Variants in DRC11 observed in about 807,000 individuals in gnomAD.
The protein encoded by DRC11 is dynein regulatory complex subunit 11.
chr2:236,486,792 T>C, the DRC11 span: 5 of 1,383,008 alleles, frequency 3.6e-6, no homozygotes, highest in African/African-American at 1.4e-5. This position sits in a 1 kb window ranked among gnomAD's most constrained non-coding sequence, Gnocchi z 5.7. Context: ...CTATTGTCTT[T>C]AAGAAAACCA....
the DRC11 span, among the ~76,000 whole-genome samples, chr2:236,450,313 T>TC: frequency 7.6e-5 from 11 of 145,092 alleles, no homozygotes; most frequent in Admixed American, 4.9e-4. Context: ...TCTTTTCTTT[T>TC]CTTTTTTTTT....
chr2:236,321,006 G>A, the DRC11 span, among the ~76,000 whole-genome samples: 10 of 152,262 alleles, frequency 6.6e-5, no homozygotes, highest in East Asian at 5.8e-4. Context: ...GACCTGCTCC[G>A]TGGATGACAA....
chr2:236,399,544 G>A, the DRC11 span: 5 of 1,399,712 alleles, frequency 3.6e-6, no homozygotes, highest in African/African-American at 4.2e-5. This position sits in a 1 kb window ranked among gnomAD's most constrained non-coding sequence, Gnocchi z 7.0. Context: ...AGCAAAAGAC[G>A]CAGACGCTGT....
chr2:236,386,594 T>G, the DRC11 span, among the ~76,000 whole-genome samples: 1 of 152,224 alleles, frequency 6.6e-6, no homozygotes, highest in Non-Finnish European at 1.5e-5. Context: ...TCAATTTTGT[T>G]GATCCTTTCA....
At chr2:236,333,982 A>G in the DRC11 span, among the ~76,000 whole-genome samples, 1 of 152,158 alleles carries the variant, frequency 6.6e-6, no homozygotes, top group Non-Finnish European at 1.5e-5. This position sits in a 1 kb window ranked among gnomAD's most constrained non-coding sequence, Gnocchi z 6.0. Flanking sequence ...AGTGTAGGAT[A>G]CTTGGTGTTC....
the DRC11 span, among the ~76,000 whole-genome samples, chr2:236,410,623 T>C: frequency 3.3e-5 from 5 of 150,828 alleles, no homozygotes; most frequent in East Asian, 3.9e-4. Flanking sequence ...GCTGGAGGCA[T>C]CACACTACCT....
At chr2:236,358,143 A>ATTT in the DRC11 span, among the ~76,000 whole-genome samples, 2 of 87,798 alleles carry the variant, frequency 2.3e-5, no homozygotes, top group Non-Finnish European at 4.7e-5. Context: ...TATAATATAT[A>ATTT]AATAGATATA....
At chr2:236,484,291 C>G in the DRC11 span, among the ~76,000 whole-genome samples, 1 of 152,140 alleles carries the variant, frequency 6.6e-6, no homozygotes, top group Non-Finnish European at 1.5e-5. Flanking sequence ...TTAAAAGCTA[C>G]AAATTATTTA....
At chr2:236,358,051 A>T in the DRC11 span, among the ~76,000 whole-genome samples, 2 of 119,452 alleles carry the variant, frequency 1.7e-5, no homozygotes, top group Non-Finnish European at 3.2e-5. Flanking sequence ...TAATATATAG[A>T]TATATATTAT....
the DRC11 span, among the ~76,000 whole-genome samples, chr2:236,481,134 A>G: frequency 4.6e-5 from 7 of 152,204 alleles, no homozygotes; most frequent in Admixed American, 4.6e-4. Flanking sequence ...CTGACTTTGC[A>G]TCTCTTTTGG....
chr2:236,380,589 A>G, the DRC11 span: 2 of 1,551,502 alleles, frequency 1.3e-6, no homozygotes, highest in African/African-American at 1.4e-5. This position sits in a 1 kb window ranked among gnomAD's most constrained non-coding sequence, Gnocchi z 4.9. Flanking sequence ...TCAGATCTTT[A>G]TCCTTCTTTG....
chr2:236,322,215 CA>C, the DRC11 span, among the ~76,000 whole-genome samples: 1 of 147,126 alleles, frequency 6.8e-6, no homozygotes, highest in Non-Finnish European at 1.5e-5. Flanking sequence ...AGCTGCTTTT[CA>C]TGTTTCTTTC....
chr2:236,478,830 C>CTT, the DRC11 span, among the ~76,000 whole-genome samples: 6 of 139,344 alleles, frequency 4.3e-5, no homozygotes, highest in South Asian at 1.1e-3. This position sits in a 1 kb window ranked among gnomAD's most constrained non-coding sequence, Gnocchi z 5.9. Context: ...GGTTTGTAGT[C>CTT]TTTTTTTTTT....
the DRC11 span, among the ~76,000 whole-genome samples, chr2:236,393,200 C>T: frequency 6.6e-6 from 1 of 152,160 alleles, no homozygotes; most frequent in Non-Finnish European, 1.5e-5. This position sits in a 1 kb window ranked among gnomAD's most constrained non-coding sequence, Gnocchi z 4.7. Flanking sequence ...GTGAAGCTGA[C>T]AACCGCCACC....
the DRC11 span, chr2:236,441,129 A>G: frequency 9.7e-6 from 15 of 1,545,936 alleles, no homozygotes; most frequent in Non-Finnish European, 1.3e-5. Flanking sequence ...AAATTTCTGC[A>G]GGAAAAAAAA....
At chr2:236,500,050 C>T in the DRC11 span, among the ~76,000 whole-genome samples, 1,177 of 151,940 alleles carry the variant, frequency 7.7e-3, 7 homozygotes, top group Non-Finnish European at 0.013. This position sits in a 1 kb window ranked among gnomAD's most constrained non-coding sequence, Gnocchi z 6.3. Flanking sequence ...AAGGTAAAAG[C>T]GTATCTTGAT....
At chr2:236,307,677 T>TG in the DRC11 span, among the ~76,000 whole-genome samples, 1 of 152,170 alleles carries the variant, frequency 6.6e-6, no homozygotes, top group Non-Finnish European at 1.5e-5. This position sits in a 1 kb window ranked among gnomAD's most constrained non-coding sequence, Gnocchi z 7.0. Context: ...GCCAGACTCT[T>TG]GCAGCAACAT....
the DRC11 span, among the ~76,000 whole-genome samples, chr2:236,416,063 G>T: frequency 9.9e-5 from 15 of 152,110 alleles, no homozygotes; most frequent in Non-Finnish European, 1.6e-4. Flanking sequence ...CCCAGATCGG[G>T]TTCCCTGGAA....
At chr2:236,453,322 ACT>A in the DRC11 span, among the ~76,000 whole-genome samples, 1 of 152,190 alleles carries the variant, frequency 6.6e-6, no homozygotes. The surrounding 1 kb of genome is among the most constrained non-coding windows in gnomAD (Gnocchi z 4.9). Context: ...CTAGAGGCAA[ACT>A]CTGAAGATCT....
Sources: gnomAD v4.1 joint callset for allele counts (sites outside exome capture counted in the v4.1 genomes callset) on GRCh38, gnomAD v4.1.1 for gene constraint, Gnocchi (gnomAD v3.1) non-coding constraint, MANE v1.5 for transcripts, NCBI Gene and HGNC (gene_info 2026-07-23, HGNC 2026-07-21) for gene names.